Variants in EPB41L1 observed in about 807,000 individuals in gnomAD.
The protein encoded by EPB41L1 is erythrocyte membrane protein band 4.1 like 1.
In EPB41L1, 29 loss-of-function variants were observed where a neutral mutation model predicts 97.8. That is an observed-to-expected ratio of 0.30 (90% confidence interval 0.22 to 0.40). The LOEUF is 0.40. Ranked by LOEUF, EPB41L1 falls within the 10% of genes least tolerant of loss-of-function variation. The probability of loss-of-function intolerance (pLI) is 1.00; values close to 1 mark genes in which losing one functional copy is unlikely to be tolerated. For synonymous variants in EPB41L1, 383 were observed against 459.2 expected, an observed-to-expected ratio of 0.83 and a Z score of 2.12; for missense variants, 812 against 1,162.3, an observed-to-expected ratio of 0.70 and a Z score of 4.38.
At chr20:36,154,611 C>A, upstream of EPB41L1, 4 of 893,916 alleles carry the variant, frequency 4.5e-6, no homozygotes, top group Non-Finnish European at 5.3e-6. This position sits in a 1 kb window ranked among gnomAD's most constrained non-coding sequence, Gnocchi z 5.5. Flanking sequence ...GGCGGCCGCC[C>A]CTGGGCTGGG....
chr20:36,105,009 G>T (rs2147528926), intron 1 of EPB41L1, among the ~76,000 whole-genome samples: 1 of 152,354 alleles, frequency 6.6e-6, no homozygotes, highest in East Asian at 1.9e-4. Flanking sequence ...TCCCAGGTGA[G>T]TGGGATGTGA....
intron 1 of EPB41L1, among the ~76,000 whole-genome samples, chr20:36,161,767 C>T (rs2060535034): frequency 6.8e-6 from 1 of 147,882 alleles, no homozygotes; most frequent in Admixed American, 6.7e-5. Context: ...AGTCGTTATT[C>T]TTGTTTTTTT....
At chr20:36,106,415 G>A (rs910638810) in intron 1 of EPB41L1, among the ~76,000 whole-genome samples, 8 of 152,242 alleles carry the variant, frequency 5.3e-5, no homozygotes, top group Non-Finnish European at 7.3e-5. Context: ...AGGGTTCCAA[G>A]TCAGCAGGCC....
At chr20:36,141,510 G>A (rs543771657) in intron 2 of EPB41L1, among the ~76,000 whole-genome samples, 116 of 152,286 alleles carry the variant, frequency 7.6e-4, no homozygotes, top group Admixed American at 2.7e-3. Context: ...ACTGAAGAGG[G>A]CAGCAAAGTT....
At chr20:36,176,823 G>A (rs1013675147) in intron 3 of EPB41L1, among the ~76,000 whole-genome samples, 1 of 151,618 alleles carries the variant, frequency 6.6e-6, no homozygotes, top group East Asian at 1.9e-4. Context: ...GTAGAGACAG[G>A]GTTTCACCAT....
chr20:36,123,332 C>T (rs1306985567), intron 2 of EPB41L1, among the ~76,000 whole-genome samples: 1 of 152,166 alleles, frequency 6.6e-6, no homozygotes, highest in Non-Finnish European at 1.5e-5. Flanking sequence ...CCCTCTGTGA[C>T]ACTGGGAAAA....
intron 2 of EPB41L1, among the ~76,000 whole-genome samples, chr20:36,115,859 TC>T (rs2058569706): frequency 6.6e-6 from 1 of 152,238 alleles, no homozygotes; most frequent in East Asian, 1.9e-4. Context: ...ATGACTGCAT[TC>T]CAGCCTGGGT....
chr20:36,138,603 G>A (rs1396041216), intron 2 of EPB41L1, among the ~76,000 whole-genome samples: 1 of 149,160 alleles, frequency 6.7e-6, no homozygotes, highest in Non-Finnish European at 1.5e-5. Flanking sequence ...TGCTTAATAT[G>A]TGCCAGGAAC....
At chr20:36,120,308 TG>T (rs2058712144) in intron 2 of EPB41L1, among the ~76,000 whole-genome samples, 1 of 152,172 alleles carries the variant, frequency 6.6e-6, no homozygotes, top group South Asian at 2.1e-4. Context: ...TTGGTGAAGC[TG>T]GGATTCAAAA....
Position 36,207,595 on chromosome 20 carries a change from G to C in EPB41L1, c.1669-1893G>C. ...GAGTACGCTCTCAGACCTGGGCTTC[G>C]CCCAACTCCAGCCCCCAGGGGACTT... On this transcript the variant is annotated intron_variant, in intron 14 of 21. Transcript: ENST00000338074. This position sits in a 1 kb window ranked among gnomAD's most constrained non-coding sequence, Gnocchi z 4.9. 1 of 1,289,964 alleles carries C rather than the reference G, an allele frequency of 7.8e-7. No homozygotes were observed. The highest frequency in any genetic ancestry group is 2.1e-4 in the Middle Eastern group (1 of 4,698). 79.9% of individuals were successfully genotyped at this position (1,289,964 alleles called of 1,614,324 possible). A position where few individuals can be genotyped will look rare whatever the true frequency, so the allele number is the denominator to read the frequency against.
chr20:36,136,862 GTGTGA>G (rs551489930), intron 2 of EPB41L1, among the ~76,000 whole-genome samples: 140 of 152,076 alleles, frequency 9.2e-4, no homozygotes, highest in Middle Eastern at 6.8e-3. Context: ...GGGATTACAG[GTGTGA>G]GCCTGAATTT....
At chr20:36,179,216 C>T (rs974728752) in intron 5 of EPB41L1, among the ~76,000 whole-genome samples, 2 of 152,090 alleles carry the variant, frequency 1.3e-5, no homozygotes, top group Non-Finnish European at 2.9e-5. Flanking sequence ...TGCAGAGTCA[C>T]ACAGCAGGTT....
chr20:36,095,395 G>T (rs1568997153), intron 1 of EPB41L1, among the ~76,000 whole-genome samples: 1 of 152,164 alleles, frequency 6.6e-6, no homozygotes, highest in Non-Finnish European at 1.5e-5. Flanking sequence ...GGCATGAGCC[G>T]CTGCGCCCAG....
intron 1 of EPB41L1, among the ~76,000 whole-genome samples, chr20:36,107,508 C>T (rs1285536527): frequency 2.2e-4 from 32 of 148,796 alleles, no homozygotes; most frequent in African/African-American, 5.9e-4. Flanking sequence ...TGTGAGCCAC[C>T]GTGCCCGGCT....
chr20:36,112,529 C>T (rs886811456), intron 2 of EPB41L1: 6 of 152,250 alleles, frequency 3.9e-5, no homozygotes, highest in African/African-American at 7.2e-5. Context: ...TGAGGTTGGA[C>T]GAAGAGGTCT....
At chr20:36,199,689 G>A (rs2062391287) in intron 14 of EPB41L1, among the ~76,000 whole-genome samples, 2 of 152,208 alleles carry the variant, frequency 1.3e-5, no homozygotes, top group South Asian at 4.1e-4. Flanking sequence ...GGGCTGGGTG[G>A]CGGAGGCTGG....
At chr20:36,217,689 G>A (rs1001107002) in intron 17 of EPB41L1, among the ~76,000 whole-genome samples, 17 of 152,180 alleles carry the variant, frequency 1.1e-4, no homozygotes, top group African/African-American at 3.9e-4. Flanking sequence ...GCTGCCCTTG[G>A]GAAGCCTGCT....
intron 2 of EPB41L1, among the ~76,000 whole-genome samples, chr20:36,135,114 C>T (rs558157948): frequency 1.2e-4 from 19 of 152,106 alleles, no homozygotes; most frequent in Non-Finnish European, 2.2e-4. Flanking sequence ...CCGACCACCT[C>T]GGCCTCCCAA....
At chr20:36,122,429 C>G (rs990694105) in intron 2 of EPB41L1, among the ~76,000 whole-genome samples, 4 of 152,194 alleles carry the variant, frequency 2.6e-5, no homozygotes, top group Admixed American at 2.6e-4. Context: ...GGCTAGCAGG[C>G]CCTGGAAGAG....
Sources: allele counts gnomAD v4.1 joint callset (sites outside exome capture counted in the v4.1 genomes callset), GRCh38; gene constraint gnomAD v4.1.1; non-coding constraint Gnocchi (gnomAD v3.1); transcripts MANE v1.5; gene names NCBI Gene and HGNC (gene_info 2026-07-23, HGNC 2026-07-21).